Variants in SMPD3 observed in about 807,000 individuals in gnomAD.
SMPD3 encodes the protein nSMase-2.
A neutral mutation model predicts 55.7 loss-of-function variants in SMPD3; 21 were observed. That is an observed-to-expected ratio of 0.38 (90% CI 0.27 to 0.54). The LOEUF is 0.54. Ranked by LOEUF, SMPD3 falls within the 20% of genes least tolerant of loss-of-function variation. The pLI is 0.80. For synonymous variants in SMPD3, 457 were observed against 404.3 expected (o/e 1.13, Z -1.56); for missense variants, 842 against 899.6 (o/e 0.94, Z 0.82).
chr16:68,392,765 G>A (rs983992955), intron 1 of SMPD3, among the ~76,000 whole-genome samples: 1 of 139,958 alleles, frequency 7.1e-6, no homozygotes, highest in African/African-American at 2.7e-5. Context: ...GGAGGCTGAG[G>A]CACACTTGAG....
intron 2 of SMPD3, among the ~76,000 whole-genome samples, chr16:68,383,617 T>C (rs937862322): frequency 6.6e-6 from 1 of 152,100 alleles, no homozygotes; most frequent in African/African-American, 2.4e-5. Context: ...GCCCCTTCCC[T>C]GCCCACTTCC....
At chr16:68,419,392 G>A (rs1031636429) in intron 1 of SMPD3, among the ~76,000 whole-genome samples, 9 of 152,324 alleles carry the variant, frequency 5.9e-5, no homozygotes, top group African/African-American at 1.7e-4. Context: ...AGCCAGTGCG[G>A]GAGAAACAGG....
Position 68,371,292 on chromosome 16 carries a change from G to A in SMPD3, c.890C>T (p.Ala297Val), listed in dbSNP as rs1423269251. ...CCCCTTCACCAGGGACTCCCGGGAG[G>A]CCGAGGGGCTGCCCAGGCTCCCTGA... Reference protein sequence around the residue: ...GDSGSLGSPSASRESLVKGRA... With the variant: ...GDSGSLGSPSVSRESLVKGRA... The change falls in exon 3 of 9, where the codon GCC becomes GTC. Residue 297 changes from alanine (A) to valine (V), a missense_variant. Physicochemically the swap from Ala to Val is moderately conservative, Grantham distance 64 (BLOSUM62 0). Transcript: ENST00000219334. The A allele has an allele frequency of 1.9e-6, 3 of 1,603,062 alleles. No homozygotes were observed. Among genetic ancestry groups the A allele is most frequent in the Non-Finnish European group, 2.5e-6 (3 of 1,179,068 alleles).
chr16:68,446,169 C>A (rs2090607914), intron 1 of SMPD3, among the ~76,000 whole-genome samples: 1 of 152,154 alleles, frequency 6.6e-6, no homozygotes, highest in South Asian at 2.1e-4. Flanking sequence ...GAATTCTGGT[C>A]TTTGGAGCAG....
chr16:68,413,074 G>C (rs2090314010), intron 1 of SMPD3, among the ~76,000 whole-genome samples: 1 of 152,214 alleles, frequency 6.6e-6, no homozygotes. Context: ...CCTTGGCGTG[G>C]CTCAAGTCCT....
intron 3 of SMPD3, 111 bp from the exon 4 acceptor site, chr16:68,365,203 T>G: frequency 1.8e-6 from 2 of 1,092,972 alleles, no homozygotes; most frequent in Non-Finnish European, 2.7e-6. Context: ...CAAGCCTGGC[T>G]CCTGGCTGGA....
At chr16:68,397,949 A>G (rs2090173715) in intron 1 of SMPD3, among the ~76,000 whole-genome samples, 1 of 149,130 alleles carries the variant, frequency 6.7e-6, no homozygotes. Flanking sequence ...AGGCAAGGCC[A>G]GGGGATGACA....
chr16:68,364,929 C>G (rs1481845346), intron 4 of SMPD3, 23 bp from the exon 5 acceptor site: 1 of 1,612,884 alleles, frequency 6.2e-7, no homozygotes, highest in East Asian at 2.2e-5. Flanking sequence ...AGTACAGAGA[C>G]TGGATGATGA....
chr16:68,367,746 T>A (rs1299436721), intron 3 of SMPD3: 1 of 152,298 alleles, frequency 6.6e-6, no homozygotes, highest in Non-Finnish European at 1.5e-5. Context: ...GCCTCATTGA[T>A]TCCTGGCTCG....
At chr16:68,428,001 T>C (rs1405476876) in intron 1 of SMPD3, among the ~76,000 whole-genome samples, 1 of 152,116 alleles carries the variant, frequency 6.6e-6, no homozygotes, top group East Asian at 1.9e-4. Flanking sequence ...TTAGTGGATC[T>C]ACCCACAGGG....
chr16:68,429,103 G>A (rs559461616), intron 1 of SMPD3, among the ~76,000 whole-genome samples: 3 of 152,324 alleles, frequency 2.0e-5, no homozygotes, highest in Admixed American at 6.5e-5. Context: ...TTATAGACTC[G>A]GAGTTGGCCC....
chr16:68,426,037 A>G (rs2090433858), intron 1 of SMPD3, among the ~76,000 whole-genome samples: 1 of 152,196 alleles, frequency 6.6e-6, no homozygotes, highest in Non-Finnish European at 1.5e-5. Flanking sequence ...GATTTTCCTC[A>G]AGGAAAATAA....
chr16:68,437,189 A>G (rs1248208196), intron 1 of SMPD3, among the ~76,000 whole-genome samples: 2 of 152,262 alleles, frequency 1.3e-5, no homozygotes, highest in Non-Finnish European at 2.9e-5. Context: ...AACACAGAGT[A>G]GGAGCCAGTT....
chr16:68,390,033 G>A (rs963044123), intron 1 of SMPD3, among the ~76,000 whole-genome samples: 2 of 152,196 alleles, frequency 1.3e-5, no homozygotes, highest in Admixed American at 6.5e-5. Context: ...TGTGCTAAAC[G>A]AGGGGTGGAT....
At chr16:68,365,415 C>T (rs1252753587) in intron 3 of SMPD3, among the ~76,000 whole-genome samples, 1 of 152,104 alleles carries the variant, frequency 6.6e-6, no homozygotes, top group Non-Finnish European at 1.5e-5. Context: ...ACCAGCGTGG[C>T]CACGGCTCTC....
At chr16:68,365,259 T>TGCTTC (rs2151975244) in intron 3 of SMPD3, among the ~76,000 whole-genome samples, 167 bp from the exon 4 acceptor site, 1 of 152,302 alleles carries the variant, frequency 6.6e-6, no homozygotes, top group African/African-American at 2.4e-5. Context: ...TTCTAGGGAC[T>TGCTTC]TACGGATCTG....
At chr16:68,444,757 G>A (rs1261909755) in intron 1 of SMPD3, among the ~76,000 whole-genome samples, 1 of 152,176 alleles carries the variant, frequency 6.6e-6, no homozygotes, top group Non-Finnish European at 1.5e-5. Flanking sequence ...ATTCTAATCA[G>A]GATAAGCAGG....
rs940416362 is a variant in SMPD3, at chr16:68,364,694, C to G, written c.1555+57G>C. 9 of 1,556,782 alleles carry G rather than the reference C, an allele frequency of 5.8e-6. 1 individual carries two copies. In the African/African-American group the frequency reaches 1.2e-4, roughly 21 times the overall value. On this transcript the variant is annotated intron_variant, in intron 5 of 8. Transcript: ENST00000219334. ...CCTAACGAAGTCTGTCTAGCTGTGA[C>G]TGAGCCCACAGCCTCCCCAGAGCTG...
intron 1 of SMPD3, among the ~76,000 whole-genome samples, chr16:68,428,899 T>C (rs952496426): frequency 2.6e-5 from 4 of 152,292 alleles, no homozygotes; most frequent in Admixed American, 6.5e-5. Context: ...CTAGGAACTA[T>C]GGTCACATAA....
Sources: allele counts gnomAD v4.1 joint callset (sites outside exome capture counted in the v4.1 genomes callset), GRCh38; gene constraint gnomAD v4.1.1; transcripts MANE v1.5; gene names NCBI Gene and HGNC (gene_info 2026-07-23, HGNC 2026-07-21).